SGCZ: variants seen among roughly 807,000 people sequenced by gnomAD.
SGCZ encodes the protein zeta-sarcoglycan.
In SGCZ, 40 loss-of-function variants were observed where a neutral mutation model predicts 41.3. The observed-to-expected ratio is 0.97, with a 90% CI of 0.75 to 1.26. The LOEUF (loss-of-function observed/expected upper bound fraction) is 1.26. Among genes scored for constraint, SGCZ ranks in the 50% most tolerant of loss-of-function variants. The pLI, the probability that SGCZ is intolerant of heterozygous loss-of-function variation, is 0.00. For missense variants in SGCZ, 552 were observed against 369.8 expected (o/e 1.49, Z -4.04); for synonymous variants, 206 against 137.5 (o/e 1.50, Z -3.49).
chr8:14,493,572 T>G (rs1669134276), intron 2 of SGCZ, among the ~76,000 whole-genome samples: 1 of 151,612 alleles, frequency 6.6e-6, no homozygotes, highest in Non-Finnish European at 1.5e-5. Context: ...TTCACCATGT[T>G]GGCCAATATG....
At chr8:14,543,964 G>C (rs73533119) in intron 2 of SGCZ, among the ~76,000 whole-genome samples, 2,434 of 152,158 alleles carry the variant, frequency 0.016, 65 homozygotes, top group African/African-American at 0.055. Context: ...GTGTTTGTGA[G>C]AATGGAGTGG....
intron 5 of SGCZ, among the ~76,000 whole-genome samples, chr8:14,157,915 C>T (rs1175868932): frequency 2.0e-5 from 3 of 152,146 alleles, no homozygotes; most frequent in African/African-American, 4.8e-5. Flanking sequence ...GGCACGGTAG[C>T]TCATGCCTGT....
chr8:15,081,027 C>T (rs1449267093), intron 1 of SGCZ, among the ~76,000 whole-genome samples: 1 of 152,078 alleles, frequency 6.6e-6, no homozygotes, highest in East Asian at 1.9e-4. Flanking sequence ...GCAACGCTGC[C>T]AACACCTTGA....
chr8:14,904,684 C>A (rs59288096), intron 1 of SGCZ, among the ~76,000 whole-genome samples: 6,333 of 152,004 alleles, frequency 0.042, 375 homozygotes, highest in African/African-American at 0.13. Context: ...GATTCATACA[C>A]AGCATTCTAC....
Position 14,586,734 on chromosome 8 carries a change from G to C in SGCZ, c.40-31808C>G, listed in dbSNP as rs962765351. ...ACAATACTGGTACTAAAAATGTATT[G>C]TATATCACTTTCTTTTATGAAATAT... On this transcript the variant is annotated intron_variant, in intron 1 of 7. Transcript: ENST00000382080. Among the ~76,000 whole-genome samples, 3 of 152,036 alleles carry C rather than the reference G, an allele frequency of 2.0e-5. 1 individual carries two copies. The highest frequency in any genetic ancestry group is 7.2e-5 in the African/African-American group (3 of 41,404).
At chr8:14,561,751 G>C (rs1036553819) in intron 1 of SGCZ, among the ~76,000 whole-genome samples, 2 of 152,094 alleles carry the variant, frequency 1.3e-5, no homozygotes, top group Non-Finnish European at 2.9e-5. Context: ...TCAGGGAAGA[G>C]CTGGTTTAAA....
intron 1 of SGCZ, among the ~76,000 whole-genome samples, chr8:14,611,847 G>T (rs1419371296): frequency 6.6e-6 from 1 of 151,988 alleles, no homozygotes; most frequent in Non-Finnish European, 1.5e-5. Flanking sequence ...TAAATGGGCA[G>T]AAAAAAATGG....
chr8:14,624,555 ATTTTTTTTTT>A (rs750064815), intron 1 of SGCZ, among the ~76,000 whole-genome samples: 20 of 96,228 alleles, frequency 2.1e-4, no homozygotes, highest in Non-Finnish European at 3.0e-4. Context: ...TATTATTATT[ATTTTTTTTTT>A]TTTTTTTTTT....
intron 1 of SGCZ, among the ~76,000 whole-genome samples, chr8:14,850,660 T>C (rs1803281933): frequency 6.6e-6 from 1 of 152,208 alleles, no homozygotes; most frequent in Non-Finnish European, 1.5e-5. Context: ...TTAGGCTTTG[T>C]GTACCCACCC....
At chr8:15,082,970 C>G (rs1048246256) in intron 1 of SGCZ, among the ~76,000 whole-genome samples, 6 of 150,486 alleles carry the variant, frequency 4.0e-5, no homozygotes, top group African/African-American at 1.5e-4. Flanking sequence ...ATTTCACAGT[C>G]TGATTTTACC....
intron 3 of SGCZ, among the ~76,000 whole-genome samples, chr8:14,275,648 G>C (rs936259476): frequency 2.6e-5 from 4 of 152,110 alleles, no homozygotes; most frequent in African/African-American, 9.7e-5. Context: ...ACCAGCTTAC[G>C]GACACTGATA....
At chr8:14,118,155 C>T (rs1802582073) in intron 5 of SGCZ, among the ~76,000 whole-genome samples, 1 of 152,042 alleles carries the variant, frequency 6.6e-6, no homozygotes, top group Non-Finnish European at 1.5e-5. Flanking sequence ...TGAGGAATCG[C>T]CACATTGTCT....
At chr8:14,513,535 TA>T (rs1563378107) in intron 2 of SGCZ, among the ~76,000 whole-genome samples, 2 of 150,872 alleles carry the variant, frequency 1.3e-5, no homozygotes, top group African/African-American at 4.9e-5. Context: ...TAATATACAT[TA>T]AAACAACTCT....
intron 1 of SGCZ, among the ~76,000 whole-genome samples, chr8:15,150,864 T>C (rs1799159356): frequency 6.6e-6 from 1 of 152,214 alleles, no homozygotes; most frequent in Non-Finnish European, 1.5e-5. Context: ...TAAAGTCTGG[T>C]GGGTAGTCTC....
At chr8:15,038,294 T>A (rs1050066962) in intron 1 of SGCZ, among the ~76,000 whole-genome samples, 5 of 151,952 alleles carry the variant, frequency 3.3e-5, no homozygotes, top group Admixed American at 2.0e-4. Context: ...AGCCCAGAAA[T>A]AAATCTGCCT....
At chr8:14,757,633 C>G (rs372882694) in intron 1 of SGCZ, among the ~76,000 whole-genome samples, 3 of 152,138 alleles carry the variant, frequency 2.0e-5, no homozygotes, top group Admixed American at 1.3e-4. Flanking sequence ...TACCGGGTAG[C>G]ATGATAGAGA....
At chr8:14,864,556 A>G (rs2130687688) in intron 1 of SGCZ, among the ~76,000 whole-genome samples, 1 of 152,280 alleles carries the variant, frequency 6.6e-6, no homozygotes, top group Non-Finnish European at 1.5e-5. Flanking sequence ...ACTTGTATTC[A>G]CAAACAAATC....
At chr8:15,180,075 A>T (rs950178126) in intron 1 of SGCZ, among the ~76,000 whole-genome samples, 28 of 152,220 alleles carry the variant, frequency 1.8e-4, no homozygotes, top group African/African-American at 6.0e-4. Context: ...GCTTTTCTAG[A>T]TTCCTCTTAT....
Position 15,045,234 on chromosome 8 carries a change from G to A in SGCZ, c.39+192351C>T, listed in dbSNP as rs550527970. ...AACAATATTTCAGATGGACAAACAA[G>A]AGACATGATAAAATTCAGATAGATT... On this transcript the variant is annotated intron_variant, in intron 1 of 7. Transcript: ENST00000382080. 7.9e-5 allele frequency among the ~76,000 whole-genome samples: 12 copies of A among 152,110 alleles called. No individual in the cohort carries two copies. In the East Asian group the frequency reaches 2.1e-3, roughly 27 times the overall value.
Sources: allele counts gnomAD v4.1 joint callset (sites outside exome capture counted in the v4.1 genomes callset), GRCh38; gene constraint gnomAD v4.1.1; transcripts MANE v1.5; gene names NCBI Gene and HGNC (gene_info 2026-07-23, HGNC 2026-07-21).